The following FIG4 variants were observed in gnomAD, a reference collection of about 807,000 sequenced individuals.
The protein encoded by FIG4 is polyphosphoinositide phosphatase.
FIG4 carries 112 observed loss-of-function variants against 118.6 expected under a neutral mutation model. The observed-to-expected ratio is 0.94, with a 90% CI of 0.81 to 1.11. FIG4 has a LOEUF of 1.11. FIG4 is among the 50% of genes least tolerant of loss of function. The pLI is 0.00. For missense variants in FIG4, 969 were observed against 1,111.7 expected (o/e 0.87, Z 1.83); for synonymous variants, 369 against 381.2 (o/e 0.97, Z 0.37).
intron 22 of FIG4, 151 bp from the exon 23 acceptor site, chr6:109,824,937 T>A: frequency 1.4e-6 from 1 of 703,918 alleles, no homozygotes; most frequent in Non-Finnish European, 2.5e-6. Context: ...AGAACCAGCC[T>A]CGCAAGGACT....
At chr6:109,714,858 A>C (rs931676628) in intron 1 of FIG4, among the ~76,000 whole-genome samples, 4 of 152,204 alleles carry the variant, frequency 2.6e-5, no homozygotes, top group Non-Finnish European at 4.4e-5. Flanking sequence ...TTCAGACATC[A>C]GACTGATCTT....
chr6:109,732,747 C>A (rs527757846), intron 5 of FIG4, 60 bp downstream of exon 5: 45 of 1,008,248 alleles, frequency 4.5e-5, no homozygotes, highest in Non-Finnish European at 7.0e-5. Flanking sequence ...TATTTTCCAG[C>A]GGGTAAAAGC....
intron 16 of FIG4, among the ~76,000 whole-genome samples, chr6:109,778,493 C>T (rs1777687609): frequency 6.6e-6 from 1 of 150,868 alleles, no homozygotes; most frequent in African/African-American, 2.4e-5. Context: ...AGGATACCTA[C>T]CAAACACTAC....
At position 109,716,515 on chromosome 6, in the gene FIG4, G is replaced by C. The variant is rs763255765; in HGVS notation, c.236G>C (p.Gly79Ala). The change falls in exon 3 of 23, where the codon GGA becomes GCA. Residue 79 changes from glycine (G) to alanine (A), a missense_variant. Coordinates refer to ENST00000230124, the MANE Select transcript of FIG4 (RefSeq NM_014845.6). ...GATCTTGGAAATAGAACAAAGATGG[G>C]ACAGAAAGGATCCTCGGGCTTATTT... is the stretch of plus-strand genomic sequence containing the variant. ...RLDLGNRTKM[G>A]QKGSSGLFRA... 2 of 1,613,800 alleles carry C rather than the reference G, an allele frequency of 1.2e-6. No homozygotes were observed. The highest frequency in any genetic ancestry group is 1.7e-6 in the Non-Finnish European group (2 of 1,179,864).
At chr6:109,693,678 T>TTATCTGATGATAA (rs1774621000) in intron 1 of FIG4, among the ~76,000 whole-genome samples, 1 of 152,250 alleles carries the variant, frequency 6.6e-6, no homozygotes, top group Admixed American at 6.5e-5. Context: ...AAAAATCTGA[T>TTATCTGATGATAA]CGACTCAACT....
intron 18 of FIG4, among the ~76,000 whole-genome samples, chr6:109,788,215 T>C (rs527829121): frequency 4.9e-4 from 74 of 152,286 alleles, no homozygotes; most frequent in African/African-American, 1.7e-3. Flanking sequence ...TTGAGGAGCA[T>C]CTGTATATTG....
chr6:109,746,738 A>G (rs1406316123), intron 10 of FIG4, among the ~76,000 whole-genome samples: 1 of 152,156 alleles, frequency 6.6e-6, no homozygotes, highest in Non-Finnish European at 1.5e-5. Context: ...TATGTTTTGA[A>G]AAGATTACTG....
intron 22 of FIG4, among the ~76,000 whole-genome samples, chr6:109,804,587 T>G (rs904703163): frequency 2.0e-5 from 3 of 152,198 alleles, no homozygotes; most frequent in Non-Finnish European, 2.9e-5. Context: ...CAAATTGTGT[T>G]TAAAATTTAC....
At chr6:109,754,314 T>C (rs1157728845) in intron 10 of FIG4, among the ~76,000 whole-genome samples, 4 of 152,092 alleles carry the variant, frequency 2.6e-5, no homozygotes, top group South Asian at 4.1e-4. Context: ...TGGATAAGCT[T>C]TTTGATGTGT....
chr6:109,728,008 A>C (rs529719286), intron 4 of FIG4, among the ~76,000 whole-genome samples: 1 of 152,310 alleles, frequency 6.6e-6, no homozygotes, highest in African/African-American at 2.4e-5. Context: ...TCCTCACACA[A>C]AGATCTAAAG....
In FIG4 at chr6:109,754,447, G is replaced by A. The variant is rs1331284350; in HGVS notation, c.1138-5803G>A. Among the ~76,000 whole-genome samples, 30 of 152,248 alleles carry A rather than the reference G, an allele frequency of 2.0e-4. 1 individual carries two copies. In the South Asian group the frequency reaches 2.7e-3, roughly 14 times the overall value. On this transcript the variant is annotated intron_variant, in intron 10 of 22. Coordinates refer to ENST00000230124, the MANE Select transcript of FIG4 (RefSeq NM_014845.6). ...CCAGCTTTGGTATCAGGATGATGCT[G>A]GCCTCATAAAATGAGTTAGGGAGGA...
At chr6:109,752,957 G>A (rs1300640772) in intron 10 of FIG4, among the ~76,000 whole-genome samples, 1 of 152,098 alleles carries the variant, frequency 6.6e-6, no homozygotes. Context: ...TTCTTCTAGG[G>A]TTTTTATGGT....
chr6:109,707,432 T>TATATATACATATATATACAC (rs1365689447), intron 1 of FIG4, among the ~76,000 whole-genome samples: 2 of 148,434 alleles, frequency 1.3e-5, no homozygotes, highest in African/African-American at 2.5e-5. Flanking sequence ...CATATATACA[T>TATATATACATATATATACAC]ATATATACAT....
At chr6:109,804,116 T>C (rs931401376) in intron 22 of FIG4, among the ~76,000 whole-genome samples, 2 of 152,164 alleles carry the variant, frequency 1.3e-5, no homozygotes, top group Admixed American at 1.3e-4. Flanking sequence ...AAGACACTCT[T>C]ACCTTTTACA....
At chr6:109,747,666 C>T (rs1431737893) in intron 10 of FIG4, among the ~76,000 whole-genome samples, 1 of 151,840 alleles carries the variant, frequency 6.6e-6, no homozygotes, top group Admixed American at 6.6e-5. Flanking sequence ...TGTTTAAAAG[C>T]CTATGGGGAG....
At chr6:109,703,400 GC>G (rs1349141545) in intron 1 of FIG4, among the ~76,000 whole-genome samples, 2 of 152,040 alleles carry the variant, frequency 1.3e-5, no homozygotes, top group Non-Finnish European at 2.9e-5. Flanking sequence ...AAATTCCCAA[GC>G]CTTTTGGAGG....
At chr6:109,772,819 ATTATC>A (rs1156481195) in intron 15 of FIG4, among the ~76,000 whole-genome samples, 2 of 152,128 alleles carry the variant, frequency 1.3e-5, no homozygotes, top group Non-Finnish European at 2.9e-5. Context: ...AACAATACCC[ATTATC>A]TTAGAGTTTC....
chr6:109,799,207 G>A (rs887562152), intron 22 of FIG4, among the ~76,000 whole-genome samples: 7 of 152,278 alleles, frequency 4.6e-5, no homozygotes, highest in African/African-American at 9.6e-5. Flanking sequence ...TGAAAACCAC[G>A]TGGATCTAGA....
At chr6:109,775,085 T>G (rs1231652184) in intron 15 of FIG4, among the ~76,000 whole-genome samples, 1 of 152,196 alleles carries the variant, frequency 6.6e-6, no homozygotes, top group Non-Finnish European at 1.5e-5. Flanking sequence ...TGCATATTCT[T>G]TCTTCCCTTC....
Sources: allele counts gnomAD v4.1 joint callset (sites outside exome capture counted in the v4.1 genomes callset), GRCh38; gene constraint gnomAD v4.1.1; transcripts MANE v1.5; gene names NCBI Gene and HGNC (gene_info 2026-07-23, HGNC 2026-07-21).